DNAH14: variants seen among roughly 807,000 people sequenced by gnomAD.
DNAH14 encodes dynein axonemal heavy chain 14, also known as axonemal beta dynein heavy chain 14.
DNAH14 carries 478 observed loss-of-function variants against 520.9 expected under a neutral mutation model. The observed-to-expected ratio is 0.92, with a 90% CI of 0.85 to 0.99. The LOEUF is 0.99. Among genes scored for constraint, DNAH14 ranks in the 50% least tolerant of loss-of-function variants. The pLI, the probability that DNAH14 is intolerant of heterozygous loss-of-function variation, is 0.00. For synonymous variants in DNAH14, 1,581 were observed against 1,757.2 expected, an observed-to-expected ratio of 0.90 and a Z score of 2.51; for missense variants, 4,831 against 5,234.5, an observed-to-expected ratio of 0.92 and a Z score of 2.38.
intron 71 of DNAH14, among the ~76,000 whole-genome samples, chr1:225,349,356 TCAATAAAATACCGAAAAAGG>T (rs2095332239): frequency 6.6e-6 from 1 of 151,620 alleles, no homozygotes. Context: ...ACCACAAAGA[TCAATAAAATACCGAAAAAGG>T]CAATAAAAGA....
intron 23 of DNAH14, among the ~76,000 whole-genome samples, chr1:225,114,271 G>A (rs531407200): frequency 6.6e-6 from 1 of 152,236 alleles, no homozygotes; most frequent in African/African-American, 2.4e-5. Flanking sequence ...AGTGTGTCTA[G>A]AAATGTCATA....
intron 36 of DNAH14, among the ~76,000 whole-genome samples, chr1:225,177,689 T>C (rs2083481798): frequency 6.6e-6 from 1 of 152,140 alleles, no homozygotes; most frequent in South Asian, 2.1e-4. Context: ...AGCCTGCAAG[T>C]GCACAGAAGT....
intron 41 of DNAH14, among the ~76,000 whole-genome samples, chr1:225,211,872 G>GAATTAATT (rs1488860615): frequency 4.9e-5 from 7 of 141,808 alleles, no homozygotes; most frequent in African/African-American, 1.6e-4. Context: ...TTTCAACCCA[G>GAATTAATT]AATTTATTTA....
At chr1:225,020,780 A>C (rs922047656) in intron 10 of DNAH14, among the ~76,000 whole-genome samples, 2 of 152,196 alleles carry the variant, frequency 1.3e-5, no homozygotes, top group Non-Finnish European at 2.9e-5. Flanking sequence ...TCCAAAAATC[A>C]AGGAGGAAGG....
At chr1:225,289,827 T>C (rs1381784953) in intron 54 of DNAH14, 58 bp from the exon 55 acceptor site, 1 of 1,164,058 alleles carries the variant, frequency 8.6e-7, no homozygotes, top group African/African-American at 1.6e-5. Context: ...CAGAAAACTA[T>C]ACGTTGAAAG....
chr1:225,075,495 A>T (rs1286404262), intron 17 of DNAH14, among the ~76,000 whole-genome samples: 2 of 152,130 alleles, frequency 1.3e-5, no homozygotes, highest in African/African-American at 4.8e-5. Flanking sequence ...TTCTAAATTT[A>T]GTCATTTATT....
At chr1:224,998,784 A>C (rs1191283200) in intron 8 of DNAH14, among the ~76,000 whole-genome samples, 1 of 152,134 alleles carries the variant, frequency 6.6e-6, no homozygotes, top group African/African-American at 2.4e-5. Flanking sequence ...CACTTGGTAG[A>C]AAAGTTGTTT....
intron 77 of DNAH14, among the ~76,000 whole-genome samples, chr1:225,368,606 TTAAG>T (rs1218386676): frequency 4.6e-5 from 7 of 152,214 alleles, no homozygotes; most frequent in African/African-American, 1.7e-4. Context: ...TAGCATCTGC[TTAAG>T]TTTTTCCCGG....
intron 61 of DNAH14, 37 bp from the exon 62 acceptor site, chr1:225,322,627 A>C: frequency 2.1e-6 from 3 of 1,427,722 alleles, no homozygotes; most frequent in Non-Finnish European, 2.8e-6. Flanking sequence ...TTCATTTTTA[A>C]TTGTGAAGTT....
chr1:225,141,293 C>T (rs1559084876), intron 28 of DNAH14, among the ~76,000 whole-genome samples: 1 of 151,942 alleles, frequency 6.6e-6, no homozygotes, highest in Non-Finnish European at 1.5e-5. Context: ...ATTCACATAA[C>T]ATGTGAATGT....
intron 17 of DNAH14, among the ~76,000 whole-genome samples, chr1:225,077,543 A>G (rs78565570): frequency 0.011 from 1,667 of 152,270 alleles, 17 homozygotes; most frequent in Non-Finnish European, 0.016. Context: ...CTAAATAGTT[A>G]TGTTTACTCA....
At chr1:225,395,454 T>C (rs2095994586) in intron 84 of DNAH14, among the ~76,000 whole-genome samples, 1 of 151,758 alleles carries the variant, frequency 6.6e-6, no homozygotes, top group Non-Finnish European at 1.5e-5. Context: ...TAGCCGGGCG[T>C]AGTGGCGGGC....
At chr1:225,023,558 A>C in intron 10 of DNAH14, 57 bp from the exon 11 acceptor site, 1 of 1,367,368 alleles carries the variant, frequency 7.3e-7, no homozygotes, top group Non-Finnish European at 9.7e-7. Context: ...ACTAGAAATC[A>C]TGCTATATTA....
At chr1:225,082,517 T>C (rs1435153635) in intron 19 of DNAH14, 32 bp from the exon 20 acceptor site, 1 of 1,443,256 alleles carries the variant, frequency 6.9e-7, no homozygotes, top group South Asian at 1.5e-5. Flanking sequence ...AATGAACATA[T>C]TATAAGCCTA....
rs145026484 is a variant in DNAH14 at position 225,239,825 on chromosome 1, T to A, written c.6519-768T>A. 3.5e-3 allele frequency among the ~76,000 whole-genome samples: 535 copies of A among 152,356 alleles called. 4 individuals are homozygous for A. Among genetic ancestry groups the A allele is most frequent in the African/African-American group, 0.012 (518 of 41,592 alleles). On this transcript the variant is annotated intron_variant, in intron 42 of 85. Transcript: ENST00000682510. ...TACAAATGAACTGTACATTAATGATTGCTAATAAATTCCAGTTTAGTGACA... is the reference window on the plus strand; with the variant it reads ...TACAAATGAACTGTACATTAATGATAGCTAATAAATTCCAGTTTAGTGACA...
intron 41 of DNAH14, among the ~76,000 whole-genome samples, chr1:225,229,563 A>T (rs887258079): frequency 1.3e-5 from 2 of 152,222 alleles, no homozygotes; most frequent in African/African-American, 4.8e-5. Context: ...TATGGCACAT[A>T]TACACCATGG....
chr1:225,398,483 C>T (rs1418610719), intron 84 of DNAH14, 37 bp from the exon 85 acceptor site: 4 of 1,547,472 alleles, frequency 2.6e-6, no homozygotes, highest in African/African-American at 1.4e-5. Flanking sequence ...CGCTGCTTCT[C>T]CTGGGGATCC....
chr1:225,358,471 T>G, intron 73 of DNAH14, 25 bp from the exon 74 acceptor site: 1 of 1,487,050 alleles, frequency 6.7e-7, no homozygotes. Context: ...TAATTTTACC[T>G]TATCTTCCAT....
At chr1:225,115,202 G>T (rs1020273858) in intron 23 of DNAH14, among the ~76,000 whole-genome samples, 3 of 149,438 alleles carry the variant, frequency 2.0e-5, no homozygotes, top group African/African-American at 7.7e-5. Context: ...GCTGGCGGAG[G>T]GGTGACACAA....
Sources: allele counts gnomAD v4.1 joint callset (sites outside exome capture counted in the v4.1 genomes callset), GRCh38; gene constraint gnomAD v4.1.1; transcripts MANE v1.5; gene names NCBI Gene and HGNC (gene_info 2026-07-23, HGNC 2026-07-21).